Variants in CA13 observed in about 807,000 individuals in gnomAD.
CA13 encodes the protein carbonic anhydrase 13.
CA13 carries 21 observed loss-of-function variants against 31.5 expected under a neutral mutation model. That is an observed-to-expected ratio of 0.67 (90% CI 0.47 to 0.96). The LOEUF is 0.96. CA13 is among the 40% of genes least tolerant of loss of function. CA13 has a pLI of 0.00. For missense variants in CA13, 315 were observed against 318.9 expected, an observed-to-expected ratio of 0.99 and a Z score of 0.09; for synonymous variants, 117 against 111.4, an observed-to-expected ratio of 1.05 and a Z score of -0.32.
chr8:85,250,802 A>G lies in CA13; in HGVS notation c.100A>G (p.Ile34Val). 6.2e-7 allele frequency: 1 copy of G among 1,614,008 alleles called. No individual in the cohort carries two copies. The highest frequency in any genetic ancestry group is 1.1e-5 in the South Asian group (1 of 91,068). ...ADGDQQSPIE[I>V]KTKEVKYDSS... ...TGGTGATCAGCAATCTCCAATTGAG[A>G]TTAAAACCAAAGAAGTGAAATATGA... Residue 34 changes from isoleucine to valine, a missense_variant, in exon 2 of 7, where the codon ATT becomes GTT. Physicochemically the swap from Ile to Val is conservative, Grantham distance 29. Coordinates refer to ENST00000321764, the MANE Select transcript of CA13 (RefSeq NM_198584.3).
At chr8:85,271,202 C>G (rs1807521455) in intron 6 of CA13, among the ~76,000 whole-genome samples, 1 of 152,184 alleles carries the variant, frequency 6.6e-6, no homozygotes, top group Non-Finnish European at 1.5e-5. Flanking sequence ...AGGGGACATT[C>G]TATAAACTAG....
Position 85,284,040 on chromosome 8 carries a change from A to T in CA13, c.*2691A>T, listed in dbSNP as rs1292542631. 3 of 152,110 alleles carry T rather than the reference A, an allele frequency of 2.0e-5. No individual in the cohort carries two copies. The allele number at this position is 152,110 out of a possible 1,614,324, so 9.4% of individuals were successfully genotyped here. A position where few individuals can be genotyped will look rare whatever the true frequency, so the allele number is the denominator to read the frequency against. ...CATTTCATATTTTAATTTAAATTGGATTCAACCACAATAAAGAAAATGAGA... is the reference window on the plus strand; with the variant it reads ...CATTTCATATTTTAATTTAAATTGGTTTCAACCACAATAAAGAAAATGAGA... On this transcript the variant is annotated 3_prime_UTR_variant, in exon 7 of 7. Coordinates refer to ENST00000321764, the MANE Select transcript of CA13 (RefSeq NM_198584.3).
At chr8:85,273,009 G>T (rs888784309) in intron 6 of CA13, among the ~76,000 whole-genome samples, 1 of 152,114 alleles carries the variant, frequency 6.6e-6, no homozygotes, top group Admixed American at 6.5e-5. Flanking sequence ...GTAGAGACAG[G>T]GTTTCATCAT....
intron 2 of CA13, among the ~76,000 whole-genome samples, chr8:85,258,964 T>A (rs781250148): frequency 1.3e-5 from 2 of 150,946 alleles, no homozygotes; most frequent in African/African-American, 2.4e-5. Context: ...TTGTTCAAGA[T>A]CACATAATTA....
intron 6 of CA13, among the ~76,000 whole-genome samples, chr8:85,276,842 G>A (rs1807618577): frequency 6.6e-6 from 1 of 151,606 alleles, no homozygotes; most frequent in Non-Finnish European, 1.5e-5. Context: ...GAACCTTTAT[G>A]TCTAGCTAAG....
chr8:85,250,812 A>G lies in CA13; in HGVS notation c.110A>G (p.Lys37Arg). 3 of 1,613,988 alleles carry G rather than the reference A, an allele frequency of 1.9e-6. No homozygotes were observed. The East Asian group carries it at 6.7e-5, about 36-fold the overall frequency. Residue 37 changes from lysine (K) to arginine (R), a missense_variant, in exon 2 of 7, where the codon AAA becomes AGA. Transcript: ENST00000321764. ...DQQSPIEIKT[K>R]EVKYDSSLRP... The stretch of plus-strand genomic sequence containing the variant: ...CAATCTCCAATTGAGATTAAAACCA[A>G]AGAAGTGAAATATGACTCTTCCCTC...
intron 2 of CA13, 73 bp downstream of exon 2, chr8:85,251,010 T>A: frequency 1.6e-6 from 2 of 1,283,896 alleles, no homozygotes; most frequent in Non-Finnish European, 1.1e-6. Flanking sequence ...TCTTTTTTTT[T>A]TTTTTTTTTT....
rs1270084149 is a variant in CA13 at position 85,259,496 on chromosome 8, A to C, written c.311A>C (p.His104Pro). The C allele has an allele frequency of 6.2e-7, 1 of 1,613,908 alleles. No individual in the cohort carries two copies. Among genetic ancestry groups the C allele is most frequent in the Non-Finnish European group, 8.5e-7 (1 of 1,179,916 alleles). ...VHLHWGSADD[H>P]GSEHIVDGVS... ...CTTCACTGGGGGTCCGCTGATGACCACGGCTCCGAGCACATAGTAGATGGA... is the reference window on the plus strand; with the variant it reads ...CTTCACTGGGGGTCCGCTGATGACCCCGGCTCCGAGCACATAGTAGATGGA... Residue 104 changes from histidine (H) to proline (P), a missense_variant, in exon 3 of 7, where the codon CAC becomes CCC. Transcript: ENST00000321764.
chr8:85,260,168 C>T (rs978835072), intron 3 of CA13, among the ~76,000 whole-genome samples: 1 of 151,962 alleles, frequency 6.6e-6, no homozygotes, highest in African/African-American at 2.4e-5. Flanking sequence ...CTCCTTTTTC[C>T]TTATAATTGT....
rs1813713088 is a variant in CA13 at position 85,245,771 on chromosome 8, T to C, written c.-58T>C. On this transcript the variant is annotated 5_prime_UTR_variant, in exon 1 of 7. Coordinates refer to ENST00000321764, the MANE Select transcript of CA13 (RefSeq NM_198584.3). ...GGCTCCTTCCCGGGCCCCTCCCCGCTCCCTCCTCTTTCTCGCTGCTCAGTC... is the reference window on the plus strand; with the variant it reads ...GGCTCCTTCCCGGGCCCCTCCCCGCCCCCTCCTCTTTCTCGCTGCTCAGTC... 3.1e-6 allele frequency: 5 copies of C among 1,598,122 alleles called. No homozygotes were observed. The African/African-American group carries it at 6.7e-5, about 21-fold the overall frequency.
intron 3 of CA13, among the ~76,000 whole-genome samples, chr8:85,265,703 G>A (rs1164967198): frequency 3.9e-5 from 6 of 152,102 alleles, no homozygotes; most frequent in East Asian, 1.9e-4. Context: ...TTTTATGTGC[G>A]AGATGACAAA....
At chr8:85,257,008 C>T (rs756899904) in intron 2 of CA13, among the ~76,000 whole-genome samples, 5 of 152,228 alleles carry the variant, frequency 3.3e-5, no homozygotes, top group South Asian at 2.1e-4. Flanking sequence ...GCTCTTGGCT[C>T]TTGTTTCTCT....
chr8:85,247,933 G>A (rs1813759981), intron 1 of CA13, among the ~76,000 whole-genome samples: 1 of 150,612 alleles, frequency 6.6e-6, no homozygotes, highest in South Asian at 2.1e-4. Context: ...ACCAGTGACT[G>A]AGCAGATAAA....
chr8:85,248,840 A>G (rs1813775640), intron 1 of CA13, among the ~76,000 whole-genome samples: 1 of 152,246 alleles, frequency 6.6e-6, no homozygotes, highest in South Asian at 2.1e-4. Context: ...TGTCACCTGC[A>G]TATTGTAACA....
At position 85,281,514 on chromosome 8, in the gene CA13, T is replaced by A; in HGVS notation, c.*165T>A. 1.5e-6 allele frequency: 2 copies of A among 1,327,324 alleles called. No individual in the cohort carries two copies. The highest frequency in any genetic ancestry group is 1.7e-5 in the South Asian group (1 of 60,228). The allele number at this position is 1,327,324 out of a possible 1,614,324, so 82.2% of individuals were successfully genotyped here. A position where few individuals can be genotyped will look rare whatever the true frequency, so the allele number is the denominator to read the frequency against. On this transcript the variant is annotated 3_prime_UTR_variant, in exon 7 of 7. Coordinates refer to ENST00000321764, the MANE Select transcript of CA13 (RefSeq NM_198584.3). ...AAGAAAACCAGATCTCTCTCTCTTTTTTTTTTATTTTTTTTAGTGATAGAG... is the reference window on the plus strand; with the variant it reads ...AAGAAAACCAGATCTCTCTCTCTTTATTTTTTATTTTTTTTAGTGATAGAG...
intron 2 of CA13, 64 bp downstream of exon 2, chr8:85,251,001 CTTTT>C (rs34303043): frequency 0.022 from 16,819 of 755,918 alleles, 2 homozygotes; most frequent in South Asian, 0.026. Context: ...AGACTATACT[CTTTT>C]TTTTTTTTTT....
chr8:85,272,782 T>G (rs1159753406), intron 6 of CA13, among the ~76,000 whole-genome samples: 3 of 152,148 alleles, frequency 2.0e-5, no homozygotes, highest in African/African-American at 7.2e-5. Context: ...AGTTCATGTT[T>G]GTTTAATTTT....
At chr8:85,247,607 T>C (rs1476232442) in intron 1 of CA13, among the ~76,000 whole-genome samples, 1 of 152,208 alleles carries the variant, frequency 6.6e-6, no homozygotes, top group African/African-American at 2.4e-5. Flanking sequence ...TCTTGCTCTG[T>C]TGCCCAGGCT....
intron 3 of CA13, among the ~76,000 whole-genome samples, chr8:85,260,393 G>A (rs1807359689): frequency 6.6e-6 from 1 of 152,186 alleles, no homozygotes; most frequent in Non-Finnish European, 1.5e-5. Flanking sequence ...AGGCAGGACA[G>A]AGCTAAGTTA....
Sources: allele counts gnomAD v4.1 joint callset (sites outside exome capture counted in the v4.1 genomes callset), GRCh38; gene constraint gnomAD v4.1.1; transcripts MANE v1.5; gene names NCBI Gene and HGNC (gene_info 2026-07-23, HGNC 2026-07-21).